PRIM2: variants seen among roughly 807,000 people sequenced by gnomAD.
PRIM2 encodes the protein DNA primase large subunit.
In PRIM2, 39 loss-of-function variants were observed where a neutral mutation model predicts 67.3. That is an observed-to-expected ratio of 0.58 (90% CI 0.45 to 0.76). The LOEUF (loss-of-function observed/expected upper bound fraction) is 0.76. Among genes scored for constraint, PRIM2 ranks in the 30% least tolerant of loss-of-function variants. The pLI, the probability that PRIM2 is intolerant of heterozygous loss-of-function variation, is 0.00. For synonymous variants in PRIM2, 143 were observed against 198.7 expected, an observed-to-expected ratio of 0.72 and a Z score of 2.36; for missense variants, 398 against 598.7, an observed-to-expected ratio of 0.66 and a Z score of 3.50.
At chr6:57,229,509 A>G in the PRIM2 span, among the ~76,000 whole-genome samples, 1 of 147,992 alleles carries the variant, frequency 6.8e-6, no homozygotes, top group African/African-American at 2.5e-5. Flanking sequence ...TTTTTTTGAG[A>G]CTGAATCTCG....
chr6:57,457,881 C>G (rs113048665), intron 7 of PRIM2, among the ~76,000 whole-genome samples: 1 of 152,200 alleles, frequency 6.6e-6, no homozygotes, highest in African/African-American at 2.4e-5. Flanking sequence ...GCGTTGCTCA[C>G]GCTGGGAGCT....
chr6:57,459,502 C>G (rs1448352670), intron 7 of PRIM2, among the ~76,000 whole-genome samples: 2 of 152,240 alleles, frequency 1.3e-5, no homozygotes, highest in East Asian at 3.9e-4. Flanking sequence ...TGGCAGGTTC[C>G]TGTACAGTGA....
chr6:57,449,527 A>G (rs1298639883), intron 7 of PRIM2, among the ~76,000 whole-genome samples: 2 of 152,150 alleles, frequency 1.3e-5, no homozygotes, highest in East Asian at 3.8e-4. Context: ...CACCTTTCTT[A>G]GAGTTGATTT....
rs866072735 is a variant in PRIM2, at chr6:57,342,424, A to C, written c.459+16379A>C. On this transcript the variant is annotated intron_variant, in intron 5 of 13. Transcript: ENST00000615550. ...TGGGTAAGGTTAAACAGATTCTATT[A>C]ATGTTTCTTCAGTTGGCCAGTTAGG... Among the ~76,000 whole-genome samples, 10 of 145,444 alleles carry C rather than the reference A, an allele frequency of 6.9e-5. No homozygotes were observed. The South Asian group carries it at 1.1e-3, about 17-fold the overall frequency.
intron 5 of PRIM2, among the ~76,000 whole-genome samples, chr6:57,333,478 G>A (rs769161686): frequency 5.9e-5 from 9 of 152,190 alleles, no homozygotes; most frequent in African/African-American, 1.9e-4. Context: ...CTTTCATGGC[G>A]ATGTCTGCAC....
the PRIM2 span, among the ~76,000 whole-genome samples, chr6:57,241,862 T>A: frequency 1.3e-5 from 2 of 151,794 alleles, no homozygotes; most frequent in African/African-American, 4.8e-5. Context: ...TTAGTAGAGA[T>A]GGGGTTTCAC....
intron 8 of PRIM2, among the ~76,000 whole-genome samples, chr6:57,519,384 T>C (rs1774561443): frequency 6.6e-6 from 1 of 152,234 alleles, no homozygotes; most frequent in Admixed American, 6.5e-5. Context: ...GTCTCGACCA[T>C]AAGAGATGGC....
chr6:57,604,875 A>G (rs1284796812), intron 11 of PRIM2, among the ~76,000 whole-genome samples: 27 of 152,114 alleles, frequency 1.8e-4, no homozygotes, highest in African/African-American at 4.8e-4. Flanking sequence ...TATTTTTAGT[A>G]GAGACAGGGT....
At chr6:57,459,502 CTGT>C (rs1772925662) in intron 7 of PRIM2, among the ~76,000 whole-genome samples, 1 of 152,122 alleles carries the variant, frequency 6.6e-6, no homozygotes, top group Admixed American at 6.5e-5. Flanking sequence ...TGGCAGGTTC[CTGT>C]ACAGTGATAA....
At chr6:57,560,037 A>G (rs1322199775) in intron 10 of PRIM2, among the ~76,000 whole-genome samples, 1 of 152,040 alleles carries the variant, frequency 6.6e-6, no homozygotes, top group African/African-American at 2.4e-5. Context: ...TTCATAAAAG[A>G]TTTCTTTGTG....
At chr6:57,559,763 C>T (rs1167569453) in intron 10 of PRIM2, among the ~76,000 whole-genome samples, 1 of 152,238 alleles carries the variant, frequency 6.6e-6, no homozygotes, top group Non-Finnish European at 1.5e-5. Context: ...GTATACTACA[C>T]TGCAGTCTAT....
At chr6:57,457,418 A>T (rs1463113270) in intron 7 of PRIM2, among the ~76,000 whole-genome samples, 1 of 152,116 alleles carries the variant, frequency 6.6e-6, no homozygotes, top group Non-Finnish European at 1.5e-5. Flanking sequence ...GGCCTCCTTG[A>T]GCTGTGGAGG....
At chr6:57,269,229 A>G in the PRIM2 span, among the ~76,000 whole-genome samples, 1 of 151,634 alleles carries the variant, frequency 6.6e-6, no homozygotes, top group East Asian at 1.9e-4. Context: ...ACAATGGTTG[A>G]ACTAGTTTAC....
intron 10 of PRIM2, among the ~76,000 whole-genome samples, chr6:57,547,988 C>G (rs1268951412): frequency 6.6e-6 from 1 of 152,164 alleles, no homozygotes; most frequent in Non-Finnish European, 1.5e-5. Context: ...TGTGGAATCT[C>G]AGAATCAAGT....
the PRIM2 span, among the ~76,000 whole-genome samples, chr6:57,240,096 T>TTTTTTTG: frequency 0.055 from 463 of 8,344 alleles, 5 homozygotes; most frequent in Middle Eastern, 0.15. Context: ...AATCTGTTTT[T>TTTTTTTG]TTTTTTTTTT....
chr6:57,359,690 A>C (rs531627564), intron 5 of PRIM2, among the ~76,000 whole-genome samples: 3 of 152,236 alleles, frequency 2.0e-5, no homozygotes, highest in African/African-American at 7.2e-5. Flanking sequence ...CAACTGTACT[A>C]TGATTTGGAA....
intron 7 of PRIM2, among the ~76,000 whole-genome samples, chr6:57,412,479 G>C (rs1260739421): frequency 6.6e-6 from 1 of 152,054 alleles, no homozygotes; most frequent in Non-Finnish European, 1.5e-5. Context: ...TATTGGGTCA[G>C]AGGGTCGAAA....
At chr6:57,284,732 T>C in the PRIM2 span, among the ~76,000 whole-genome samples, 7 of 152,148 alleles carry the variant, frequency 4.6e-5, no homozygotes, top group Non-Finnish European at 7.4e-5. Flanking sequence ...TTTGTCAAAA[T>C]ACATCAGTGT....
chr6:57,327,307 C>T (rs1008642847), intron 5 of PRIM2, among the ~76,000 whole-genome samples: 2 of 152,092 alleles, frequency 1.3e-5, no homozygotes, highest in African/African-American at 4.8e-5. Context: ...GGCAGAGACT[C>T]TATTTTGTTG....
Sources: allele counts gnomAD v4.1 joint callset (sites outside exome capture counted in the v4.1 genomes callset), GRCh38; gene constraint gnomAD v4.1.1; transcripts MANE v1.5; gene names NCBI Gene and HGNC (gene_info 2026-07-23, HGNC 2026-07-21).